Variants in TMEM120B observed in about 807,000 individuals in gnomAD.
TMEM120B encodes the protein transmembrane protein 120B.
TMEM120B carries 31 observed loss-of-function variants against 55.5 expected under a neutral mutation model. The observed-to-expected ratio is 0.56, with a 90% confidence interval of 0.42 to 0.75. TMEM120B has a LOEUF of 0.75. Among genes scored for constraint, TMEM120B ranks in the 30% least tolerant of loss-of-function variants. The pLI, the probability that TMEM120B is intolerant of heterozygous loss-of-function variation, is 0.00. For synonymous variants in TMEM120B, 203 were observed against 176.3 expected (o/e 1.15, Z -1.20); for missense variants, 399 against 425.5 (o/e 0.94, Z 0.55).
At chr12:121,713,253 C>T (rs1474007847) in intron 1 of TMEM120B, among the ~76,000 whole-genome samples, 1 of 152,180 alleles carries the variant, frequency 6.6e-6, no homozygotes, top group Non-Finnish European at 1.5e-5. Context: ...GCCTCTGAGG[C>T]AAGTTCCAGG....
In TMEM120B at chr12:121,781,318, G is replaced by A. The variant is rs1874450090; in HGVS notation, c.*5596G>A. The stretch of plus-strand genomic sequence containing the variant: ...CTCAATTTCCTCATCTATACAATGG[G>A]CAGCAAGCCAGGAGTGCTGGCACAG... On this transcript the variant is annotated 3_prime_UTR_variant, in exon 12 of 12. Coordinates refer to ENST00000449592, the MANE Select transcript of TMEM120B (RefSeq NM_001080825.2). 4 of 784,750 alleles carry A rather than the reference G, an allele frequency of 5.1e-6. No individual in the cohort carries two copies. The allele number at this position is 784,750 out of a possible 1,614,324, so 48.6% of individuals were successfully genotyped here.
chr12:121,748,518 G>A, intron 3 of TMEM120B, 76 bp downstream of exon 3: 9 of 968,854 alleles, frequency 9.3e-6, no homozygotes, highest in South Asian at 3.2e-5. Flanking sequence ...TATAACTCTC[G>A]CCTTCCTGCT....
At chr12:121,737,063 C>T (rs924618562) in intron 1 of TMEM120B, among the ~76,000 whole-genome samples, 4 of 152,098 alleles carry the variant, frequency 2.6e-5, no homozygotes, top group Non-Finnish European at 2.9e-5. Context: ...CAGGGCCTTC[C>T]GTGACTTTTT....
intron 1 of TMEM120B, among the ~76,000 whole-genome samples, chr12:121,722,167 C>T (rs1397210304): frequency 2.6e-4 from 33 of 128,852 alleles, no homozygotes; most frequent in Non-Finnish European, 4.4e-4. Context: ...GGCACGATCT[C>T]GGCTCACTGC....
At chr12:121,733,543 ATT>A (rs776153472) in intron 1 of TMEM120B, among the ~76,000 whole-genome samples, 4 of 82,014 alleles carry the variant, frequency 4.9e-5, no homozygotes, top group Non-Finnish European at 2.5e-5. Flanking sequence ...CGTGCCTGGT[ATT>A]TTTTTTTTTT....
rs751943576 is a variant in TMEM120B at position 121,752,233 on chromosome 12, G to A, written c.461+10G>A. 3.7e-6 allele frequency: 6 copies of A among 1,611,778 alleles called. No individual in the cohort carries two copies. Among genetic ancestry groups the A allele is most frequent in the Non-Finnish European group, 3.4e-6 (4 of 1,178,364 alleles). ...TTGTCCTTCACTACAGGTAGTGGGT[G>A]TGGCCGTGTGTGCCTGGGCCTGGGC... On this transcript the variant is annotated intron_variant, in intron 5 of 11. Transcript: ENST00000449592.
intron 1 of TMEM120B, among the ~76,000 whole-genome samples, chr12:121,717,956 G>A (rs1464187071): frequency 2.0e-5 from 3 of 152,064 alleles, no homozygotes; most frequent in Non-Finnish European, 4.4e-5. Context: ...GCACCCAGCC[G>A]GGCATCTTTC....
intron 5 of TMEM120B, among the ~76,000 whole-genome samples, chr12:121,753,034 G>T (rs1195751517): frequency 6.6e-6 from 1 of 152,152 alleles, no homozygotes; most frequent in Admixed American, 6.6e-5. Flanking sequence ...TTTGAGTCCA[G>T]GAGTTTGAGG....
chr12:121,762,688 G>C (rs1415064560), intron 6 of TMEM120B, among the ~76,000 whole-genome samples: 5 of 152,200 alleles, frequency 3.3e-5, no homozygotes, highest in Non-Finnish European at 7.3e-5. Flanking sequence ...ACGGGTTTTG[G>C]TGACAAGAGT....
intron 1 of TMEM120B, among the ~76,000 whole-genome samples, chr12:121,721,204 G>T (rs1007455440): frequency 1.3e-5 from 2 of 152,030 alleles, no homozygotes; most frequent in Non-Finnish European, 2.9e-5. Flanking sequence ...TGTAAGAGAG[G>T]GTCTCACTTT....
intron 1 of TMEM120B, among the ~76,000 whole-genome samples, chr12:121,717,680 C>T (rs190594565): frequency 5.3e-5 from 8 of 152,258 alleles, no homozygotes; most frequent in South Asian, 2.1e-4. Flanking sequence ...TTATTTGAGA[C>T]GGAGTCTCGC....
chr12:121,715,488 A>G (rs1175961924), intron 1 of TMEM120B, among the ~76,000 whole-genome samples: 3 of 152,246 alleles, frequency 2.0e-5, no homozygotes, highest in Non-Finnish European at 4.4e-5. Context: ...GAGGTATGTT[A>G]GGGACAAAGG....
intron 5 of TMEM120B, 72 bp downstream of exon 5, chr12:121,752,295 C>T (rs2137217248): frequency 7.5e-7 from 1 of 1,328,438 alleles, no homozygotes; most frequent in Admixed American, 1.7e-5. Context: ...GAGAGGGATC[C>T]AGGGGACCCG....
intron 5 of TMEM120B, among the ~76,000 whole-genome samples, chr12:121,757,094 C>T (rs1037979288): frequency 2.0e-5 from 3 of 150,490 alleles, no homozygotes; most frequent in Non-Finnish European, 2.9e-5. Context: ...ATGACTTGAA[C>T]AGGAAATGAG....
chr12:121,730,668 CA>C (rs796159644), intron 1 of TMEM120B, among the ~76,000 whole-genome samples: 1 of 106,486 alleles, frequency 9.4e-6, no homozygotes, highest in Non-Finnish European at 1.9e-5. Context: ...AAAAAACAAA[CA>C]AAAAAAAACC....
intron 1 of TMEM120B, among the ~76,000 whole-genome samples, chr12:121,716,326 A>C (rs796911536): frequency 6.7e-6 from 1 of 148,348 alleles, no homozygotes; most frequent in Non-Finnish European, 1.5e-5. Flanking sequence ...AAAAAAAAAG[A>C]GATTTGTTGG....
intron 1 of TMEM120B, among the ~76,000 whole-genome samples, chr12:121,732,244 C>T (rs555669971): frequency 1.3e-5 from 2 of 152,346 alleles, no homozygotes; most frequent in African/African-American, 4.8e-5. Flanking sequence ...GAAGACTGGG[C>T]GTGGGCGCAG....
At position 121,740,616 on chromosome 12, in the gene TMEM120B, T is replaced by C. The variant is rs187655269; in HGVS notation, c.70-3013T>C. On this transcript the variant is annotated intron_variant, in intron 1 of 11. Transcript: ENST00000449592. ...GGTCTTCATCCTTTGTGTCTTCACA[T>C]TGAGGAGTAGCAGGAGGAGGAAGAG... 4.6e-5 allele frequency among the ~76,000 whole-genome samples: 7 copies of C among 152,124 alleles called. No homozygotes were observed. The East Asian group carries it at 1.4e-3, about 29-fold the overall frequency.
intron 1 of TMEM120B, among the ~76,000 whole-genome samples, chr12:121,714,325 C>A (rs866379688): frequency 6.6e-6 from 1 of 152,008 alleles, no homozygotes; most frequent in Non-Finnish European, 1.5e-5. Flanking sequence ...GGCGTGATCT[C>A]GGCTTACTAC....
Sources: allele counts gnomAD v4.1 joint callset (sites outside exome capture counted in the v4.1 genomes callset), GRCh38; gene constraint gnomAD v4.1.1; transcripts MANE v1.5; gene names NCBI Gene and HGNC (gene_info 2026-07-23, HGNC 2026-07-21).